Variants in IFI44L observed in about 807,000 individuals in gnomAD.
IFI44L encodes the protein interferon induced protein 44 like.
A neutral mutation model predicts 39.3 loss-of-function variants in IFI44L; 40 were observed. The ratio of observed to expected loss-of-function variants is 1.02; its 90% CI spans 0.79 to 1.33. The LOEUF (loss-of-function observed/expected upper bound fraction) is 1.33. Ranked by LOEUF, IFI44L falls within the 40% of genes most tolerant of loss-of-function variation. The pLI, the probability that IFI44L is intolerant of heterozygous loss-of-function variation, is 0.00. For missense variants in IFI44L, 623 were observed against 549.0 expected, an observed-to-expected ratio of 1.13 and a Z score of -1.35; for synonymous variants, 198 against 182.3, an observed-to-expected ratio of 1.09 and a Z score of -0.69.
rs942208391 is a variant in IFI44L, at chr1:78,623,413, T to G, written c.-11+2842T>G. 8.5e-3 allele frequency among the ~76,000 whole-genome samples: 1,265 copies of G among 148,050 alleles called. 15 individuals are homozygous for G. The highest frequency in any genetic ancestry group is 0.023 in the African/African-American group (914 of 40,460). On this transcript the variant is annotated intron_variant, in intron 1 of 8. Transcript: ENST00000370751. ...TGTTTTTTGTTTTTTTTTTTTTTTT[T>G]TTTTTTTTTTTTTAAATCATGGAAG...
chr1:78,629,892 G>T lies in IFI44L; in HGVS notation c.700G>T (p.Asp234Tyr). Residue 234 changes from aspartate (D) to tyrosine (Y), a missense_variant, in exon 4 of 9, where the codon GAT becomes TAT. By Grantham distance (160) the Asp-to-Tyr change is radical. Transcript: ENST00000370751. ...HVTGQAVVGS[D>Y]ITSITERYRI... ...GACTGGCCAAGCCGTAGTGGGGTCT[G>T]ATATCACCAGCATAACCGAGCGGGT... 6.2e-7 allele frequency: 1 copy of T among 1,613,586 alleles called. No homozygotes were observed. The highest frequency in any genetic ancestry group is 1.1e-5 in the South Asian group (1 of 91,060).
At position 78,642,844 on chromosome 1, in the gene IFI44L, A is replaced by G. The variant is rs1490518861; in HGVS notation, c.*1035A>G. ...AATTGAATTCCAAATCATCCTAGCC[A>G]TGTGTCCTTCCATTTAGGTTACTGG... On this transcript the variant is annotated 3_prime_UTR_variant, in exon 9 of 9. Transcript: ENST00000370751. 6.6e-6 allele frequency: 1 copy of G among 152,136 alleles called. No individual in the cohort carries two copies. Among genetic ancestry groups the G allele is most frequent in the Non-Finnish European group, 1.5e-5 (1 of 68,008 alleles). The allele number at this position is 152,136 out of a possible 1,614,324, so 9.4% of individuals were successfully genotyped here.
In IFI44L at chr1:78,637,127, C is replaced by T; in HGVS notation, c.972C>T (p.Asp324=). Residue 324 remains aspartate, a synonymous_variant, in exon 6 of 9, where the codon GAC becomes GAT. Transcript: ENST00000370751. ...DRIHCVAYVL[D]INSIDNLYSK... is the part of the protein sequence containing the mutation. ...TTCACTGTGTGGCTTATGTCTTAGA[C>T]ATCAACTCTATTGACAATCTCTACT... 6.2e-7 allele frequency: 1 copy of T among 1,608,380 alleles called. No individual in the cohort carries two copies. Among genetic ancestry groups the T allele is most frequent in the Non-Finnish European group, 8.5e-7 (1 of 1,177,280 alleles).
chr1:78,640,973 A>C, intron 6 of IFI44L, 48 bp from the exon 7 acceptor site: 1 of 1,333,326 alleles, frequency 7.5e-7, no homozygotes, highest in Non-Finnish European at 1.1e-6. Flanking sequence ...ACTTGTTGAC[A>C]CATTGCTATT....
rs1313942285 is a variant in IFI44L at position 78,643,665 on chromosome 1, T to G, written c.*1856T>G. ...TTTTTTGTTGTTGTTTTTTTTTTTT[T>G]TTGTTTTTTTGCTGAGTCAATTCCT... On this transcript the variant is annotated 3_prime_UTR_variant, in exon 9 of 9. Transcript: ENST00000370751. The G allele has an allele frequency of 1.1e-4, 16 of 145,748 alleles. No homozygotes were observed. The highest frequency in any genetic ancestry group is 2.1e-4 in the Non-Finnish European group (14 of 66,012). The allele number at this position is 145,748 out of a possible 1,614,324, so 9.0% of individuals were successfully genotyped here.
In IFI44L at chr1:78,628,283, T is replaced by C; in HGVS notation, c.368T>C (p.Ile123Thr). ...VCRLSKTDIF[I>T]ICRDNKIYLD... is the part of the protein sequence containing the mutation. ...CGTTTATCGAAAACGGATATTTTCA[T>C]TATATGTCGAGATAATAAAATTTAT... Residue 123 changes from isoleucine to threonine, a missense_variant, in exon 2 of 9, where the codon ATT (isoleucine) becomes ACT (threonine). Coordinates refer to ENST00000370751, the MANE Select transcript of IFI44L (RefSeq NM_006820.4). The C allele has an allele frequency of 6.2e-7, 1 of 1,607,962 alleles. No homozygotes were observed. The highest frequency in any genetic ancestry group is 8.5e-7 in the Non-Finnish European group (1 of 1,175,556).
At chr1:78,640,010 A>G (rs1322219864) in intron 6 of IFI44L, among the ~76,000 whole-genome samples, 1 of 152,154 alleles carries the variant, frequency 6.6e-6, no homozygotes, top group East Asian at 1.9e-4. Context: ...TGAACTTAAT[A>G]AACTGTCTAA....
Position 78,645,361 on chromosome 1 carries a change from A to G in IFI44L, c.*3552A>G, listed in dbSNP as rs1647035323. Reference sequence around the variant, plus strand: ...CTCTCTACTTATATCAGTTTTTCCTACACTTCTTCCTTTTAGGTCAACAAT... The same window carrying G: ...CTCTCTACTTATATCAGTTTTTCCTGCACTTCTTCCTTTTAGGTCAACAAT... On this transcript the variant is annotated 3_prime_UTR_variant, in exon 9 of 9. Coordinates refer to ENST00000370751, the MANE Select transcript of IFI44L (RefSeq NM_006820.4). 1 of 152,130 alleles carries G rather than the reference A, an allele frequency of 6.6e-6. No individual in the cohort carries two copies. The highest frequency in any genetic ancestry group is 6.5e-5 in the Admixed American group (1 of 15,268). The allele number at this position is 152,130 out of a possible 1,614,324, so 9.4% of individuals were successfully genotyped here.
chr1:78,621,148 T>C (rs1652258887), intron 1 of IFI44L, among the ~76,000 whole-genome samples: 1 of 152,226 alleles, frequency 6.6e-6, no homozygotes, highest in South Asian at 2.1e-4. Flanking sequence ...AAATGAACCA[T>C]ACTGTAATCT....
chr1:78,632,383 G>C (rs1001096040), intron 4 of IFI44L, among the ~76,000 whole-genome samples: 1 of 152,094 alleles, frequency 6.6e-6, no homozygotes, highest in African/African-American at 2.4e-5. Context: ...AATTAATGGT[G>C]GTATTAACAA....
At chr1:78,637,377 T>C (rs1271464351) in intron 6 of IFI44L, among the ~76,000 whole-genome samples, 174 bp downstream of exon 6, 1 of 152,088 alleles carries the variant, frequency 6.6e-6, no homozygotes, top group Admixed American at 6.6e-5. Flanking sequence ...CCCCAAATCC[T>C]AATGTTCAGT....
chr1:78,628,362 G>A lies in IFI44L; in HGVS notation c.447G>A (p.Gln149=), dbSNP rs1652584635. Residue 149 remains glutamine, a synonymous_variant, in exon 2 of 9, where the codon CAG becomes CAA. Coordinates refer to ENST00000370751, the MANE Select transcript of IFI44L (RefSeq NM_006820.4). ...NLKLRFYGHR[Q]YLECEVFRVE... is the part of the protein sequence containing the mutation. ...AACTAAGGTTTTATGGCCACCGTCA[G>A]TATTTGGAATGTGAAGTTTTTCGAG... The A allele has an allele frequency of 6.4e-7, 1 of 1,573,972 alleles. No homozygotes were observed. The highest frequency in any genetic ancestry group is 8.6e-7 in the Non-Finnish European group (1 of 1,163,684).
rs1316013974 is a variant in IFI44L at position 78,628,971 on chromosome 1, G to A, written c.499G>A (p.Asp167Asn). Residue 167 changes from aspartate to asparagine, a missense_variant, in exon 3 of 9, where the codon GAC becomes AAC. Physicochemically the swap from Asp to Asn is conservative, Grantham distance 23 (BLOSUM62 1). Transcript: ENST00000370751. ...TATAGGAATTAAGGATAACCTAGACGACATAAAGAGGATAATTAAAGCCAG... is the reference window on the plus strand; with the variant it reads ...TATAGGAATTAAGGATAACCTAGACAACATAAAGAGGATAATTAAAGCCAG... ...RVEGIKDNLD[D>N]IKRIIKAREH... 8.2e-6 allele frequency: 13 copies of A among 1,580,784 alleles called. No homozygotes were observed. Among genetic ancestry groups the A allele is most frequent in the East Asian group, 2.2e-5 (1 of 44,614 alleles).
In IFI44L at chr1:78,633,748, G is replaced by A. The variant is rs551344128; in HGVS notation, c.724-1589G>A. Among the ~76,000 whole-genome samples the A allele has an allele frequency of 2.0e-5, 3 of 152,298 alleles. No homozygotes were observed. In the South Asian group the frequency reaches 6.2e-4, roughly 32 times the overall value. On this transcript the variant is annotated intron_variant, in intron 4 of 8. Coordinates refer to ENST00000370751, the MANE Select transcript of IFI44L (RefSeq NM_006820.4). ...TGGCCAATCCTAAAGAAATGGAGAT[G>A]TATGAACCACCCGAAGAATTCAAAA...
rs553000614 is a variant in IFI44L, at chr1:78,628,449, G to A, written c.478+56G>A. On this transcript the variant is annotated intron_variant, in intron 2 of 8. Coordinates refer to ENST00000370751, the MANE Select transcript of IFI44L (RefSeq NM_006820.4). ...CATTATGATTCTAATCCTTGTGTTCGGTAGGTAATAATTGATCTACAAGAG... is the reference window on the plus strand; with the variant it reads ...CATTATGATTCTAATCCTTGTGTTCAGTAGGTAATAATTGATCTACAAGAG... 2.0e-5 allele frequency: 20 copies of A among 1,006,700 alleles called. No homozygotes were observed. The Admixed American group carries it at 3.2e-4, about 16-fold the overall frequency. 62.4% of individuals were successfully genotyped at this position (1,006,700 alleles called of 1,614,324 possible).
chr1:78,640,007 A>G (rs1646962177), intron 6 of IFI44L, among the ~76,000 whole-genome samples: 1 of 152,142 alleles, frequency 6.6e-6, no homozygotes, highest in South Asian at 2.1e-4. Context: ...ATCTGAACTT[A>G]ATAAACTGTC....
chr1:78,621,712 G>T (rs1570346022), intron 1 of IFI44L, among the ~76,000 whole-genome samples: 1 of 151,792 alleles, frequency 6.6e-6, no homozygotes, highest in East Asian at 1.9e-4. Context: ...AGTATAATTT[G>T]TTAAAATTAC....
chr1:78,631,662 T>C (rs1652753370), intron 4 of IFI44L: 1 of 152,152 alleles, frequency 6.6e-6, no homozygotes. Flanking sequence ...TGCAATAAGA[T>C]TGAATGTGTT....
rs1647044579 is a variant in IFI44L at position 78,646,000 on chromosome 1, G to A, written c.*4191G>A. 6.6e-6 allele frequency: 1 copy of A among 152,170 alleles called. No homozygotes were observed. Among genetic ancestry groups the A allele is most frequent in the Non-Finnish European group, 1.5e-5 (1 of 68,062 alleles). The allele number at this position is 152,170 out of a possible 1,614,324, so 9.4% of individuals were successfully genotyped here. ...AATTGCAAAAATTGAGGGCACAGGGGTGGAGGTGGGGGGGTTGAATAACAA... is the reference window on the plus strand; with the variant it reads ...AATTGCAAAAATTGAGGGCACAGGGATGGAGGTGGGGGGGTTGAATAACAA... On this transcript the variant is annotated 3_prime_UTR_variant, in exon 9 of 9. Transcript: ENST00000370751.
Sources: gnomAD v4.1 joint callset for allele counts (sites outside exome capture counted in the v4.1 genomes callset) on GRCh38, gnomAD v4.1.1 for gene constraint, MANE v1.5 for transcripts, NCBI Gene and HGNC (gene_info 2026-07-23, HGNC 2026-07-21) for gene names.